PRKN: variants seen among roughly 807,000 people sequenced by gnomAD.
The protein encoded by PRKN is parkin RBR E3 ubiquitin protein ligase.
In PRKN, 56 loss-of-function variants were observed where a neutral mutation model predicts 59.5. The ratio of observed to expected loss-of-function variants is 0.94; its 90% CI spans 0.76 to 1.18. PRKN has a LOEUF of 1.18. PRKN is among the 50% of genes most tolerant of loss of function. The probability of loss-of-function intolerance (pLI) is 0.00; values close to 1 mark genes in which losing one functional copy is unlikely to be tolerated. For missense variants in PRKN, 657 were observed against 596.4 expected (o/e 1.10, Z -1.06); for synonymous variants, 250 against 222.1 (o/e 1.13, Z -1.12).
At chr6:162,094,895 T>C (rs1479306837) in intron 4 of PRKN, among the ~76,000 whole-genome samples, 1 of 152,202 alleles carries the variant, frequency 6.6e-6, no homozygotes, top group East Asian at 1.9e-4. Context: ...ATTTTGTGTA[T>C]AGTCTAGATT....
intron 7 of PRKN, among the ~76,000 whole-genome samples, chr6:161,731,346 G>A (rs886443503): frequency 6.6e-6 from 1 of 152,228 alleles, no homozygotes; most frequent in Non-Finnish European, 1.5e-5. Context: ...TCTCATGGTT[G>A]ATATCTTTCC....
At chr6:162,390,194 A>G (rs1405468549) in intron 2 of PRKN, among the ~76,000 whole-genome samples, 1 of 152,014 alleles carries the variant, frequency 6.6e-6, no homozygotes, top group East Asian at 1.9e-4. Flanking sequence ...CAAAATCTTA[A>G]TAATTCACTC....
At chr6:161,509,208 T>C (rs1366315613) in intron 9 of PRKN, among the ~76,000 whole-genome samples, 4 of 152,130 alleles carry the variant, frequency 2.6e-5, no homozygotes, top group Admixed American at 2.6e-4. Flanking sequence ...TTCTTTTTTT[T>C]TTTTTTAAAT....
At chr6:162,509,207 C>T (rs1001199848) in intron 1 of PRKN, among the ~76,000 whole-genome samples, 10 of 152,110 alleles carry the variant, frequency 6.6e-5, no homozygotes, top group Admixed American at 3.9e-4. Flanking sequence ...CCGAGTTTGC[C>T]TCAAAATTTT....
At chr6:161,706,923 T>C (rs545640503) in intron 7 of PRKN, among the ~76,000 whole-genome samples, 2 of 152,338 alleles carry the variant, frequency 1.3e-5, no homozygotes, top group East Asian at 3.9e-4. Context: ...AAATTTTTAA[T>C]GCTGTTTAAC....
intron 6 of PRKN, among the ~76,000 whole-genome samples, chr6:161,940,498 C>T (rs1779521975): frequency 6.6e-6 from 1 of 151,900 alleles, no homozygotes; most frequent in South Asian, 2.1e-4. Flanking sequence ...GGGCAAAATA[C>T]CAGAGAGAAA....
chr6:162,019,200 T>C (rs1008955759), intron 5 of PRKN, among the ~76,000 whole-genome samples: 1 of 152,218 alleles, frequency 6.6e-6, no homozygotes, highest in Non-Finnish European at 1.5e-5. Flanking sequence ...AACAAGGTTA[T>C]TCATGACTTA....
chr6:162,643,894 C>T (rs929506936), intron 1 of PRKN: 1 of 152,070 alleles, frequency 6.6e-6, no homozygotes, highest in Non-Finnish European at 1.5e-5. Flanking sequence ...TTGTGGACTT[C>T]CATAATTTTT....
rs531948980 is a variant in PRKN, at chr6:161,542,555, TTCCAA to T, written c.1083+6294_1083+6298del. Among the ~76,000 whole-genome samples, 16 of 152,364 alleles carry T rather than the reference TTCCAA, an allele frequency of 1.1e-4. No homozygotes were observed. The South Asian group carries it at 3.3e-3, about 32-fold the overall frequency. The stretch of plus-strand genomic sequence containing the variant: ...AGGCAGAAAGTCTAGCGAGGCTTAT[TTCCAA>T]TCTGCAAATGAGCTGATCTTAGAGT... On this transcript the variant is annotated intron_variant, in intron 9 of 11. Transcript: ENST00000366898.
At chr6:162,312,751 C>T (rs1197518442) in intron 2 of PRKN, among the ~76,000 whole-genome samples, 3 of 152,036 alleles carry the variant, frequency 2.0e-5, no homozygotes, top group Admixed American at 1.3e-4. Flanking sequence ...ATTATCTTTT[C>T]GAAAAGCTGT....
chr6:162,348,450 G>A (rs868820613), intron 2 of PRKN, among the ~76,000 whole-genome samples: 5 of 152,082 alleles, frequency 3.3e-5, no homozygotes, highest in South Asian at 2.1e-4. Context: ...AGAAACTGAC[G>A]AGGAATGCAA....
chr6:162,563,486 A>G (rs1227799125), intron 1 of PRKN, among the ~76,000 whole-genome samples: 2 of 152,216 alleles, frequency 1.3e-5, no homozygotes, highest in Non-Finnish European at 2.9e-5. Context: ...AAGTAGATAC[A>G]GCTTAGATCA....
intron 4 of PRKN, among the ~76,000 whole-genome samples, chr6:162,169,489 T>C (rs560168177): frequency 1.3e-5 from 2 of 152,326 alleles, no homozygotes; most frequent in African/African-American, 2.4e-5. Context: ...TCACATGTTA[T>C]GTAAAAAAAT....
intron 4 of PRKN, among the ~76,000 whole-genome samples, chr6:162,175,263 G>A (rs547361389): frequency 2.8e-4 from 43 of 152,246 alleles, no homozygotes; most frequent in African/African-American, 8.9e-4. Flanking sequence ...CTTGAATCAC[G>A]TAACTTTTTA....
intron 5 of PRKN, among the ~76,000 whole-genome samples, chr6:162,014,838 T>A (rs915615777): frequency 1.1e-4 from 17 of 152,118 alleles, no homozygotes; most frequent in Admixed American, 8.5e-4. Flanking sequence ...AGGTAGTCCT[T>A]AAATTACTCC....
At chr6:161,984,996 T>C (rs1362384494) in intron 5 of PRKN, among the ~76,000 whole-genome samples, 1 of 152,138 alleles carries the variant, frequency 6.6e-6, no homozygotes, top group Admixed American at 6.6e-5. Flanking sequence ...GCAACCATGT[T>C]TTTTTCTTTC....
At chr6:161,752,007 GGA>G (rs1197805429) in intron 7 of PRKN, among the ~76,000 whole-genome samples, 2 of 152,348 alleles carry the variant, frequency 1.3e-5, no homozygotes, top group East Asian at 3.9e-4. Flanking sequence ...GGCAAGGGAA[GGA>G]GAGATATGAA....
chr6:161,653,529 A>G (rs1469801018), intron 7 of PRKN, among the ~76,000 whole-genome samples: 1 of 152,168 alleles, frequency 6.6e-6, no homozygotes, highest in Non-Finnish European at 1.5e-5. Context: ...TGCTCCCAGT[A>G]AATATCATCC....
chr6:161,374,610 G>A (rs115054061), intron 10 of PRKN, among the ~76,000 whole-genome samples: 232 of 4,492 alleles, frequency 0.052, 34 homozygotes, highest in African/African-American at 0.064. Context: ...GTGTGTATGT[G>A]TGTATGTGTG....
Sources: gnomAD v4.1 joint callset for allele counts (sites outside exome capture counted in the v4.1 genomes callset) on GRCh38, gnomAD v4.1.1 for gene constraint, MANE v1.5 for transcripts, NCBI Gene and HGNC (gene_info 2026-07-23, HGNC 2026-07-21) for gene names.